The following TCF7L2 variants were observed in gnomAD, a reference collection of about 807,000 sequenced individuals.
TCF7L2 encodes transcription factor 7-like 2.
Under a neutral mutation model 77.9 loss-of-function variants are expected in TCF7L2, and 23 were observed. That is an observed-to-expected ratio of 0.30 (90% CI 0.21 to 0.42). The LOEUF is 0.42. Ranked by LOEUF, TCF7L2 falls within the 10% of genes least tolerant of loss-of-function variation. The pLI is 1.00. For synonymous variants in TCF7L2, 413 were observed against 340.2 expected, an observed-to-expected ratio of 1.21 and a Z score of -2.36; for missense variants, 654 against 793.1, an observed-to-expected ratio of 0.82 and a Z score of 2.11.
At chr10:113,022,575 G>A (rs1429723012) in intron 4 of TCF7L2, among the ~76,000 whole-genome samples, 1 of 152,152 alleles carries the variant, frequency 6.6e-6, no homozygotes, top group Non-Finnish European at 1.5e-5. Context: ...TCCCCCTTAA[G>A]CGGTGGTTAA....
chr10:113,126,754 G>A lies in TCF7L2; in HGVS notation c.553-14430G>A, dbSNP rs2065685078. 4.1e-6 allele frequency: 4 copies of A among 985,784 alleles called. No homozygotes were observed. In the African/African-American group the frequency reaches 7.0e-5, roughly 17 times the overall value. The allele number at this position is 985,784 out of a possible 1,614,324, so 61.1% of individuals were successfully genotyped here. ...GCCGCGGGTGCGCGGCGGCGGCGCG[G>A]GCTGCAGGGCGGGTGCTGCCCTCCA... On this transcript the variant is annotated intron_variant, in intron 5 of 13. Transcript: ENST00000627217.
chr10:113,131,670 C>G (rs1389804339), intron 5 of TCF7L2, among the ~76,000 whole-genome samples: 1 of 152,198 alleles, frequency 6.6e-6, no homozygotes, highest in Non-Finnish European at 1.5e-5. Context: ...ATTGTCACAA[C>G]AGGCTGCTGC....
chr10:113,032,944 C>G lies in TCF7L2; in HGVS notation c.451-7081C>G, dbSNP rs573843285. Among the ~76,000 whole-genome samples the G allele has an allele frequency of 2.0e-4, 30 of 152,238 alleles. No individual in the cohort carries two copies. The South Asian group carries it at 6.0e-3, about 31-fold the overall frequency. On this transcript the variant is annotated intron_variant, in intron 4 of 13. Coordinates refer to ENST00000627217, the MANE Select transcript of TCF7L2 (RefSeq NM_001146274.2). Reference sequence around the variant, plus strand: ...AAGGATTTCATTGAAAATCTTATAACAACCAACTGATAGAGATAGAAGATA... The same window carrying G: ...AAGGATTTCATTGAAAATCTTATAAGAACCAACTGATAGAGATAGAAGATA...
chr10:113,140,404 C>T (rs2068139217), intron 5 of TCF7L2, among the ~76,000 whole-genome samples: 1 of 152,082 alleles, frequency 6.6e-6, no homozygotes, highest in Non-Finnish European at 1.5e-5. Context: ...AATGCCTGTA[C>T]TTTGTTTTTT....
At chr10:113,153,556 G>A (rs2137220451) in intron 11 of TCF7L2, among the ~76,000 whole-genome samples, 1 of 152,296 alleles carries the variant, frequency 6.6e-6, no homozygotes, top group South Asian at 2.1e-4. Context: ...TGAATTGAGT[G>A]AAACATATCA....
At chr10:113,130,054 A>G (rs1257341759) in intron 5 of TCF7L2, 2 of 1,115,414 alleles carry the variant, frequency 1.8e-6, no homozygotes, top group Non-Finnish European at 2.2e-6. Context: ...TGCTTATGGT[A>G]TTGACCATTA....
intron 5 of TCF7L2, among the ~76,000 whole-genome samples, chr10:113,119,117 T>C (rs2064351037): frequency 6.6e-6 from 1 of 152,188 alleles, no homozygotes; most frequent in Non-Finnish European, 1.5e-5. Flanking sequence ...GTTGACAGAA[T>C]TTACAATGAG....
At chr10:113,001,545 G>A (rs971267685) in intron 4 of TCF7L2, among the ~76,000 whole-genome samples, 1 of 152,030 alleles carries the variant, frequency 6.6e-6, no homozygotes, top group African/African-American at 2.4e-5. Flanking sequence ...TGGTTTGGAG[G>A]GAGGACTACT....
At chr10:113,107,353 C>A (rs1209563101) in intron 5 of TCF7L2, among the ~76,000 whole-genome samples, 3 of 152,074 alleles carry the variant, frequency 2.0e-5, no homozygotes, top group Non-Finnish European at 4.4e-5. Context: ...TCACCCCCTT[C>A]CCCTCCCACA....
At chr10:112,955,346 G>A (rs765502457) in intron 3 of TCF7L2, among the ~76,000 whole-genome samples, 4 of 152,090 alleles carry the variant, frequency 2.6e-5, no homozygotes, top group African/African-American at 4.8e-5. Context: ...CAATGCAACC[G>A]TATTAATTCC....
At chr10:113,011,134 G>A (rs1402473064) in intron 4 of TCF7L2, among the ~76,000 whole-genome samples, 1 of 152,232 alleles carries the variant, frequency 6.6e-6, no homozygotes, top group Non-Finnish European at 1.5e-5. Flanking sequence ...ATGGTTAGTG[G>A]CAGGAGGGGA....
At chr10:113,150,879 G>A (rs550335398) in intron 8 of TCF7L2, 119 bp from the exon 9 acceptor site, 2 of 1,342,540 alleles carry the variant, frequency 1.5e-6, no homozygotes, top group Non-Finnish European at 2.0e-6. Flanking sequence ...CATATGCCTT[G>A]GGTTGCTTTC....
chr10:113,125,332 T>TA (rs11399710), intron 5 of TCF7L2, among the ~76,000 whole-genome samples: 1 of 152,142 alleles, frequency 6.6e-6, no homozygotes, highest in African/African-American at 2.4e-5. Context: ...CATTTTTTTT[T>TA]AATTTCTAGC....
chr10:113,166,839 G>A lies in TCF7L2; in HGVS notation c.*867G>A, dbSNP rs1182113239. The A allele has an allele frequency of 4.5e-6, 1 of 224,358 alleles. No homozygotes were observed. The highest frequency in any genetic ancestry group is 2.3e-5 in the African/African-American group (1 of 44,172). 13.9% of individuals were successfully genotyped at this position (224,358 alleles called of 1,614,324 possible). A position where few individuals can be genotyped will look rare whatever the true frequency, so the allele number is the denominator to read the frequency against. ...CTTTTTGACTTTTTTTTTTCTGTATGAAACCCAGATGTCACCAAATGGACA... is the reference window on the plus strand; with the variant it reads ...CTTTTTGACTTTTTTTTTTCTGTATAAAACCCAGATGTCACCAAATGGACA... On this transcript the variant is annotated 3_prime_UTR_variant, in exon 14 of 14. Transcript: ENST00000627217.
At chr10:113,130,041 C>G in intron 5 of TCF7L2, 1 of 1,171,514 alleles carries the variant, frequency 8.5e-7, no homozygotes, top group South Asian at 1.6e-5. Flanking sequence ...ATGTTCGTGT[C>G]CATGCTTATG....
chr10:113,130,548 T>G (rs2066420298), intron 5 of TCF7L2, among the ~76,000 whole-genome samples: 3 of 152,176 alleles, frequency 2.0e-5, no homozygotes, highest in Non-Finnish European at 2.9e-5. Context: ...TCTCCAGATT[T>G]AGATGCTGGC....
chr10:113,149,680 C>T (rs1375330102), intron 8 of TCF7L2, among the ~76,000 whole-genome samples: 1 of 145,010 alleles, frequency 6.9e-6, no homozygotes, highest in Admixed American at 6.6e-5. Context: ...CTCATTAGGC[C>T]CTCTAGTTCC....
At chr10:113,027,432 A>T (rs2049382498) in intron 4 of TCF7L2, among the ~76,000 whole-genome samples, 1 of 152,110 alleles carries the variant, frequency 6.6e-6, no homozygotes, top group Non-Finnish European at 1.5e-5. Flanking sequence ...CTTTCTTAAA[A>T]CAGCCCTAAG....
chr10:113,082,597 TTGTGTG>T (rs61608659), intron 5 of TCF7L2, among the ~76,000 whole-genome samples: 2 of 149,922 alleles, frequency 1.3e-5, no homozygotes, highest in South Asian at 2.1e-4. Context: ...TTCATTCTGC[TTGTGTG>T]TGTGTGTGTG....
Sources: allele counts gnomAD v4.1 joint callset (sites outside exome capture counted in the v4.1 genomes callset), GRCh38; gene constraint gnomAD v4.1.1; transcripts MANE v1.5; gene names NCBI Gene and HGNC (gene_info 2026-07-23, HGNC 2026-07-21).